KLHL18: variants seen among roughly 807,000 people sequenced by gnomAD.
The protein encoded by KLHL18 is kelch like family member 18, also known as kelch-like protein 18.
In KLHL18, 38 loss-of-function variants were observed where a neutral mutation model predicts 58.5. That is an observed-to-expected ratio of 0.65 (90% CI 0.50 to 0.85). KLHL18 has a LOEUF of 0.85. Ranked by LOEUF, KLHL18 falls within the 40% of genes least tolerant of loss-of-function variation. The probability of loss-of-function intolerance (pLI) is 0.00; values close to 1 mark genes in which losing one functional copy is unlikely to be tolerated. For missense variants in KLHL18, 624 were observed against 778.4 expected (o/e 0.80, Z 2.36); for synonymous variants, 303 against 301.9 (o/e 1.00, Z -0.04).
At position 47,345,902 on chromosome 3, in the gene KLHL18, A is replaced by G. The variant is rs562503750; in HGVS notation, c.*1961A>G. 4 of 152,700 alleles carry G rather than the reference A, an allele frequency of 2.6e-5. No homozygotes were observed. In the East Asian group the frequency reaches 5.8e-4, roughly 22 times the overall value. The allele number at this position is 152,700 out of a possible 1,614,324, so 9.5% of individuals were successfully genotyped here. A position where few individuals can be genotyped will look rare whatever the true frequency, so the allele number is the denominator to read the frequency against. The stretch of plus-strand genomic sequence containing the variant: ...CCTCTGCTACAAGCACTTGAAAATG[A>G]TATTTTTATTTTTAACGTCTCAACA... On this transcript the variant is annotated 3_prime_UTR_variant, in exon 10 of 10. Coordinates refer to ENST00000232766, the MANE Select transcript of KLHL18 (RefSeq NM_025010.5).
At chr3:47,335,173 T>C (rs1487313647) in intron 6 of KLHL18, among the ~76,000 whole-genome samples, 1 of 152,182 alleles carries the variant, frequency 6.6e-6, no homozygotes, top group East Asian at 1.9e-4. Flanking sequence ...TGCCCTAATA[T>C]CACATTGGCT....
chr3:47,345,740 C>T lies in KLHL18; in HGVS notation c.*1799C>T, dbSNP rs1309794088. Reference sequence around the variant, plus strand: ...TCCTTTGCTGCCTGCCTGGGGTGGCCTGGAAGCCTGTTCAGAAAGGCACAA... The same window carrying T: ...TCCTTTGCTGCCTGCCTGGGGTGGCTTGGAAGCCTGTTCAGAAAGGCACAA... On this transcript the variant is annotated 3_prime_UTR_variant, in exon 10 of 10. Transcript: ENST00000232766. The T allele has an allele frequency of 6.6e-6, 1 of 152,602 alleles. No homozygotes were observed. The highest frequency in any genetic ancestry group is 6.5e-5 in the Admixed American group (1 of 15,286). The allele number at this position is 152,602 out of a possible 1,614,324, so 9.5% of individuals were successfully genotyped here.
At chr3:47,336,210 G>A (rs754559523) in intron 6 of KLHL18, among the ~76,000 whole-genome samples, 10 of 152,158 alleles carry the variant, frequency 6.6e-5, no homozygotes, top group Admixed American at 5.9e-4. Context: ...GCGCATGCCC[G>A]TCCCTCTGGC....
intron 6 of KLHL18, among the ~76,000 whole-genome samples, chr3:47,335,894 A>C (rs1245182643): frequency 1.3e-5 from 2 of 152,162 alleles, no homozygotes; most frequent in East Asian, 3.8e-4. Context: ...TAAATCCTCA[A>C]CTCAGTGCAC....
intron 1 of KLHL18, among the ~76,000 whole-genome samples, chr3:47,293,831 G>T (rs968097312): frequency 1.3e-5 from 2 of 152,128 alleles, no homozygotes; most frequent in Non-Finnish European, 2.9e-5. Context: ...TCTGTGTTAG[G>T]GGGGCACACA....
At chr3:47,311,993 T>C (rs1210161885) in intron 1 of KLHL18, among the ~76,000 whole-genome samples, 1 of 152,260 alleles carries the variant, frequency 6.6e-6, no homozygotes, top group Non-Finnish European at 1.5e-5. Context: ...GAGTCTTTGC[T>C]AGTTTTAGTG....
intron 1 of KLHL18, among the ~76,000 whole-genome samples, chr3:47,292,334 C>T (rs1191096010): frequency 3.3e-5 from 5 of 151,918 alleles, no homozygotes; most frequent in Non-Finnish European, 5.9e-5. Flanking sequence ...ATTAGCCAGG[C>T]GTGGTGTCGC....
At chr3:47,299,399 AAAT>A (rs545951994) in intron 1 of KLHL18, among the ~76,000 whole-genome samples, 3 of 151,890 alleles carry the variant, frequency 2.0e-5, no homozygotes, top group East Asian at 3.8e-4. Flanking sequence ...TCTCATTTTA[AAAT>A]AATAATAAGT....
At chr3:47,309,671 C>T (rs1703245155) in intron 1 of KLHL18, among the ~76,000 whole-genome samples, 1 of 152,190 alleles carries the variant, frequency 6.6e-6, no homozygotes, top group African/African-American at 2.4e-5. Context: ...GAGGTTGTAG[C>T]TAGCCGAGAT....
chr3:47,328,688 C>T (rs767776044), intron 3 of KLHL18, among the ~76,000 whole-genome samples: 9 of 152,086 alleles, frequency 5.9e-5, no homozygotes, highest in African/African-American at 9.7e-5. Flanking sequence ...TTTGGTTTCC[C>T]TGAGCCTGTT....
intron 7 of KLHL18, chr3:47,337,576 C>T (rs1008977428): frequency 6.6e-6 from 1 of 152,388 alleles, no homozygotes; most frequent in Admixed American, 6.5e-5. Context: ...CCCAGGACAG[C>T]TCTGCACTGA....
At chr3:47,298,951 A>G (rs533030996) in intron 1 of KLHL18, among the ~76,000 whole-genome samples, 9 of 152,150 alleles carry the variant, frequency 5.9e-5, no homozygotes, top group Non-Finnish European at 1.0e-4. Flanking sequence ...ATCGAAGGAC[A>G]TTTTTCAGTT....
intron 1 of KLHL18, among the ~76,000 whole-genome samples, chr3:47,288,311 G>T (rs1702720963): frequency 6.6e-6 from 1 of 151,782 alleles, no homozygotes; most frequent in South Asian, 2.1e-4. Flanking sequence ...AGCCCAGAAA[G>T]GGAAGGGACT....
In KLHL18 at chr3:47,344,234, C is replaced by T; in HGVS notation, c.*293C>T. 2.3e-6 allele frequency: 1 copy of T among 436,536 alleles called. No homozygotes were observed. Among genetic ancestry groups the T allele is most frequent in the Non-Finnish European group, 4.1e-6 (1 of 244,496 alleles). The allele number at this position is 436,536 out of a possible 1,614,324, so 27.0% of individuals were successfully genotyped here. A position where few individuals can be genotyped will look rare whatever the true frequency, so the allele number is the denominator to read the frequency against. ...ACACAGGCTCCATCCAGGCCCAGCT[C>T]CTACCCACCGCCTCTCTGTGGGCCA... On this transcript the variant is annotated 3_prime_UTR_variant, in exon 10 of 10. Transcript: ENST00000232766.
chr3:47,325,544 C>T (rs1194991856), intron 3 of KLHL18, among the ~76,000 whole-genome samples: 1 of 152,136 alleles, frequency 6.6e-6, no homozygotes, highest in Non-Finnish European at 1.5e-5. Flanking sequence ...TTGAGGAAAA[C>T]CATTCTGAGC....
At chr3:47,337,323 A>T in intron 7 of KLHL18, 3 of 160,990 alleles carry the variant, frequency 1.9e-5, no homozygotes, top group Admixed American at 5.7e-5. Flanking sequence ...GGCCAAGTTG[A>T]TATGTCACTC....
intron 1 of KLHL18, among the ~76,000 whole-genome samples, chr3:47,302,767 A>G (rs1703055264): frequency 6.6e-6 from 1 of 152,174 alleles, no homozygotes; most frequent in Non-Finnish European, 1.5e-5. Flanking sequence ...ACATTTTTCT[A>G]TATGGTACCA....
intron 1 of KLHL18, among the ~76,000 whole-genome samples, chr3:47,312,705 C>T (rs1490950106): frequency 6.6e-6 from 1 of 152,104 alleles, no homozygotes. Flanking sequence ...CTCCCATTCG[C>T]TTTGTGCTCC....
intron 1 of KLHL18, among the ~76,000 whole-genome samples, chr3:47,304,878 G>C (rs1193057221): frequency 1.3e-5 from 2 of 152,114 alleles, no homozygotes; most frequent in Non-Finnish European, 2.9e-5. Flanking sequence ...ACAAAAATTA[G>C]CTGGGTGTGG....
Sources: gnomAD v4.1 joint callset for allele counts (sites outside exome capture counted in the v4.1 genomes callset) on GRCh38, gnomAD v4.1.1 for gene constraint, MANE v1.5 for transcripts, NCBI Gene and HGNC (gene_info 2026-07-23, HGNC 2026-07-21) for gene names.